Variants in SGCD observed in about 807,000 individuals in gnomAD.
SGCD encodes the protein sarcoglycan delta, also known as delta-sarcoglycan.
A neutral mutation model predicts 36.6 loss-of-function variants in SGCD; 18 were observed. The observed-to-expected ratio is 0.49, with a 90% CI of 0.34 to 0.73. The LOEUF is 0.73. Among genes scored for constraint, SGCD ranks in the 30% least tolerant of loss-of-function variants. The pLI is 0.01. For missense variants in SGCD, 387 were observed against 346.7 expected, an observed-to-expected ratio of 1.12 and a Z score of -0.92; for synonymous variants, 133 against 130.6, an observed-to-expected ratio of 1.02 and a Z score of -0.12.
At chr5:155,814,612 T>C in the SGCD span, among the ~76,000 whole-genome samples, 1 of 152,102 alleles carries the variant, frequency 6.6e-6, no homozygotes, top group South Asian at 2.1e-4. Context: ...AATGAATAAA[T>C]AGAAGATCGT....
chr5:156,251,553 T>C (rs940359229), intron 3 of SGCD, among the ~76,000 whole-genome samples: 10 of 151,798 alleles, frequency 6.6e-5, no homozygotes, highest in African/African-American at 2.4e-4. Flanking sequence ...TCTCGCTGTG[T>C]TGCCAGGCTG....
chr5:156,404,638 T>A lies in SGCD; in HGVS notation c.192+59961T>A, dbSNP rs527791790. On this transcript the variant is annotated intron_variant, in intron 3 of 8. Coordinates refer to ENST00000337851, the MANE Select transcript of SGCD (RefSeq NM_000337.6). Reference sequence around the variant, plus strand: ...GACCAGCTTCTGTCTCAAAACACTTTATATGTATACCCTTTCTCAAAATGC... The same window carrying A: ...GACCAGCTTCTGTCTCAAAACACTTAATATGTATACCCTTTCTCAAAATGC... 7.2e-5 allele frequency among the ~76,000 whole-genome samples: 11 copies of A among 152,372 alleles called. No individual in the cohort carries two copies. The South Asian group carries it at 2.3e-3, about 32-fold the overall frequency.
At chr5:155,975,479 T>C (rs1205308380) in intron 1 of SGCD, among the ~76,000 whole-genome samples, 1 of 152,100 alleles carries the variant, frequency 6.6e-6, no homozygotes. Context: ...GGAGAAACTC[T>C]CACCTGGCAA....
intron 3 of SGCD, among the ~76,000 whole-genome samples, chr5:156,422,442 T>G (rs1212668389): frequency 2.0e-5 from 3 of 152,032 alleles, no homozygotes; most frequent in Non-Finnish European, 4.4e-5. Context: ...CTTTTTCCAC[T>G]TCCCATTCAA....
At chr5:156,593,956 A>G (rs1466480403) in intron 5 of SGCD, among the ~76,000 whole-genome samples, 1 of 152,198 alleles carries the variant, frequency 6.6e-6, no homozygotes, top group East Asian at 1.9e-4. Context: ...CTTCTAGTTG[A>G]AAAGATGAAT....
chr5:155,922,004 T>G (rs1178969969), intron 1 of SGCD, among the ~76,000 whole-genome samples: 1 of 152,190 alleles, frequency 6.6e-6, no homozygotes, highest in African/African-American at 2.4e-5. Context: ...GAGACACAGG[T>G]TTAGTTCTTG....
intron 3 of SGCD, among the ~76,000 whole-genome samples, chr5:156,354,083 T>C (rs1169647834): frequency 6.6e-6 from 1 of 152,346 alleles, no homozygotes; most frequent in South Asian, 2.1e-4. Flanking sequence ...AATTCTATAC[T>C]TTAAGTACTC....
intron 4 of SGCD, among the ~76,000 whole-genome samples, chr5:156,577,257 G>GGGTTGTAGATGTGTGGTGTGAT (rs1561790486): frequency 6.6e-6 from 1 of 152,100 alleles, no homozygotes; most frequent in East Asian, 1.9e-4. Context: ...TGAGGGCTCT[G>GGGTTGTAGATGTGTGGTGTGAT]TTCTGTTCCA....
intron 3 of SGCD, chr5:156,458,411 G>A (rs1339908679): frequency 1.8e-5 from 29 of 1,598,758 alleles, no homozygotes; most frequent in Non-Finnish European, 2.4e-5. Context: ...TGATGTGATC[G>A]ATGTAGTAGA....
chr5:156,471,086 A>G lies in SGCD; in HGVS notation c.193-37515A>G, dbSNP rs374365312. Among the ~76,000 whole-genome samples, 69 of 152,308 alleles carry G rather than the reference A, an allele frequency of 4.5e-4. 1 individual carries two copies. In the South Asian group the frequency reaches 0.014, roughly 30 times the overall value. ...CACCCATTGCTAGGCTATAGGTAGT[A>G]TTATTACAATAGACAAATACAGCAG... On this transcript the variant is annotated intron_variant, in intron 3 of 8. Transcript: ENST00000337851.
chr5:156,584,754 A>T (rs947468012), intron 4 of SGCD, among the ~76,000 whole-genome samples: 2 of 152,154 alleles, frequency 1.3e-5, no homozygotes, highest in Non-Finnish European at 2.9e-5. Context: ...ATATATCTAT[A>T]TGGCCTCCTC....
the SGCD span, among the ~76,000 whole-genome samples, chr5:155,747,451 A>G: frequency 6.6e-6 from 1 of 152,246 alleles, no homozygotes. Flanking sequence ...ATCAATTTGT[A>G]TAGGTTTAAA....
the SGCD span, among the ~76,000 whole-genome samples, chr5:155,796,662 T>A: frequency 2.0e-5 from 3 of 150,978 alleles, no homozygotes; most frequent in Non-Finnish European, 3.0e-5. Context: ...AAAAATCAGC[T>A]GGGTGTGGTG....
At position 156,061,402 on chromosome 5, in the gene SGCD, G is replaced by T. The variant is rs1336321847; in HGVS notation, c.-281-56476G>T. ...CTAATTCCTATAGGCTCCCTTCATG[G>T]TTTCTTACCATAGAAACCAAATGTG... On this transcript the variant is annotated intron_variant, in intron 1 of 9. Coordinates refer to the SGCD transcript ENST00000517913. 2.7e-5 allele frequency among the ~76,000 whole-genome samples: 4 copies of T among 145,702 alleles called. 1 individual carries two copies. Among genetic ancestry groups the T allele is most frequent in the Non-Finnish European group, 6.2e-5 (4 of 64,746 alleles).
chr5:156,620,721 T>A (rs1762211111), intron 6 of SGCD, among the ~76,000 whole-genome samples: 1 of 152,230 alleles, frequency 6.6e-6, no homozygotes, highest in Admixed American at 6.5e-5. Context: ...CCATCGTTTT[T>A]TCCAGCAAAT....
At chr5:156,334,137 C>T (rs916527024) in intron 2 of SGCD, among the ~76,000 whole-genome samples, 5 of 152,058 alleles carry the variant, frequency 3.3e-5, no homozygotes, top group African/African-American at 1.2e-4. Flanking sequence ...TATTACACAG[C>T]TTGGTCCCCA....
chr5:156,475,817 A>T (rs1433930379), intron 3 of SGCD, among the ~76,000 whole-genome samples: 1 of 152,242 alleles, frequency 6.6e-6, no homozygotes, highest in Non-Finnish European at 1.5e-5. Flanking sequence ...ACAGGGTCCC[A>T]AAAGAGGAGC....
chr5:155,841,685 C>T, the SGCD span, among the ~76,000 whole-genome samples: 41,920 of 151,918 alleles, frequency 0.28, 7,350 homozygotes, highest in East Asian at 0.42. Context: ...GAAAGTTTAT[C>T]TTGAAGCTTA....
At chr5:156,351,603 GTCA>G (rs141077881) in intron 3 of SGCD, among the ~76,000 whole-genome samples, 63,278 of 149,008 alleles carry the variant, frequency 0.42, 14,151 homozygotes, top group East Asian at 0.81. Flanking sequence ...TATCGTCGTA[GTCA>G]TCATCATCAT....
Sources: allele counts gnomAD v4.1 joint callset (sites outside exome capture counted in the v4.1 genomes callset), GRCh38; gene constraint gnomAD v4.1.1; transcripts MANE v1.5; gene names NCBI Gene and HGNC (gene_info 2026-07-23, HGNC 2026-07-21).